The following LRRC4C variants were observed in gnomAD, a reference collection of about 807,000 sequenced individuals.
LRRC4C encodes the protein leucine rich repeat containing 4C.
LRRC4C carries 5 observed loss-of-function variants against 33.6 expected under a neutral mutation model. The observed-to-expected ratio is 0.15, with a 90% CI of 0.08 to 0.31. LRRC4C has a LOEUF of 0.31. Ranked by LOEUF, LRRC4C falls within the 10% of genes least tolerant of loss-of-function variation. The pLI, the probability that LRRC4C is intolerant of heterozygous loss-of-function variation, is 1.00. For synonymous variants in LRRC4C, 329 were observed against 302.0 expected (o/e 1.09, Z -0.93); for missense variants, 560 against 796.7 (o/e 0.70, Z 3.58).
rs543887623 is a variant in LRRC4C at position 40,734,013 on chromosome 11, A to G, written c.-406-85735T>C. On this transcript the variant is annotated intron_variant, in intron 2 of 6. Transcript: ENST00000528697. ...GATGCCCATGCTTTCCCTTATAATG[A>G]TATTCCTAAAAACATTATTAGAACA... 2.6e-5 allele frequency among the ~76,000 whole-genome samples: 4 copies of G among 152,316 alleles called. No individual in the cohort carries two copies. The South Asian group carries it at 8.3e-4, about 32-fold the overall frequency.
At chr11:41,078,758 TG>T (rs1939344796) in intron 1 of LRRC4C, among the ~76,000 whole-genome samples, 1 of 152,184 alleles carries the variant, frequency 6.6e-6, no homozygotes, top group South Asian at 2.1e-4. Flanking sequence ...TATCATCAGA[TG>T]AGGCCAAAAA....
At position 40,970,858 on chromosome 11, in the gene LRRC4C, G is replaced by A. The variant is rs570333782; in HGVS notation, c.-495-37135C>T. On this transcript the variant is annotated intron_variant, in intron 1 of 6. Transcript: ENST00000528697. ...CTTTAGCAAAGGGTTTAGCTGTTCT[G>A]TGCCCCTCTTCTAGAGATCTATGGA... 2.0e-5 allele frequency among the ~76,000 whole-genome samples: 3 copies of A among 152,298 alleles called. No homozygotes were observed. In the East Asian group the frequency reaches 5.8e-4, roughly 29 times the overall value.
intron 1 of LRRC4C, among the ~76,000 whole-genome samples, chr11:41,223,252 T>C (rs1305593672): frequency 1.3e-5 from 2 of 152,194 alleles, no homozygotes; most frequent in Non-Finnish European, 2.9e-5. Context: ...TGAGGTTTAT[T>C]TGATGGCTGA....
intron 1 of LRRC4C, among the ~76,000 whole-genome samples, chr11:41,284,628 C>T (rs1949767463): frequency 6.6e-6 from 1 of 152,170 alleles, no homozygotes; most frequent in Non-Finnish European, 1.5e-5. Flanking sequence ...GCAGCCCTCC[C>T]CACAGACAGC....
At chr11:41,292,198 T>C (rs1042628407) in intron 1 of LRRC4C, among the ~76,000 whole-genome samples, 2 of 152,176 alleles carry the variant, frequency 1.3e-5, no homozygotes, top group African/African-American at 4.8e-5. Context: ...TGACTCACTT[T>C]AGCTAATTAA....
At chr11:40,166,792 T>C (rs1859631398) in intron 5 of LRRC4C, among the ~76,000 whole-genome samples, 1 of 152,106 alleles carries the variant, frequency 6.6e-6, no homozygotes, top group African/African-American at 2.4e-5. Flanking sequence ...TGAAAAAGAC[T>C]AGAACAGAAA....
At chr11:41,263,536 G>C (rs1358815896) in intron 1 of LRRC4C, among the ~76,000 whole-genome samples, 8 of 152,140 alleles carry the variant, frequency 5.3e-5, no homozygotes, top group African/African-American at 1.7e-4. Context: ...TATTTGTTAA[G>C]ATAATTGTTT....
chr11:41,077,449 A>G (rs890735340), intron 1 of LRRC4C, among the ~76,000 whole-genome samples: 1 of 152,170 alleles, frequency 6.6e-6, no homozygotes, highest in African/African-American at 2.4e-5. Context: ...TGCAAGCCCA[A>G]CACCACATGG....
intron 1 of LRRC4C, among the ~76,000 whole-genome samples, chr11:41,212,898 T>G (rs989379121): frequency 4.6e-5 from 7 of 152,212 alleles, no homozygotes; most frequent in African/African-American, 1.7e-4. Flanking sequence ...CCTAACACAT[T>G]GAAACACATG....
intron 1 of LRRC4C, among the ~76,000 whole-genome samples, chr11:41,075,807 C>T (rs920107740): frequency 5.3e-5 from 8 of 152,180 alleles, no homozygotes; most frequent in Non-Finnish European, 8.8e-5. Context: ...ATTTCACCAA[C>T]TGCGCTGTTG....
intron 1 of LRRC4C, among the ~76,000 whole-genome samples, chr11:41,187,298 C>A (rs749674836): frequency 3.1e-4 from 47 of 152,296 alleles, no homozygotes; most frequent in Non-Finnish European, 6.0e-4. Flanking sequence ...CTGTAGCAGG[C>A]ATGCACACAA....
At chr11:41,192,155 C>A (rs1945977625) in intron 1 of LRRC4C, among the ~76,000 whole-genome samples, 2 of 152,038 alleles carry the variant, frequency 1.3e-5, no homozygotes, top group Admixed American at 1.3e-4. Flanking sequence ...CCTCATTTTC[C>A]TCAATGTGTT....
intron 1 of LRRC4C, among the ~76,000 whole-genome samples, chr11:41,162,653 A>G (rs1435193717): frequency 6.6e-6 from 1 of 152,202 alleles, no homozygotes; most frequent in East Asian, 1.9e-4. Context: ...GTACCTAAAA[A>G]TATGTAATCA....
chr11:40,915,612 A>T (rs1399341789), intron 2 of LRRC4C, among the ~76,000 whole-genome samples: 1 of 152,176 alleles, frequency 6.6e-6, no homozygotes, highest in African/African-American at 2.4e-5. Context: ...AACCTAGGCA[A>T]TACCATTCAG....
At chr11:40,454,659 T>C (rs1253848364) in intron 3 of LRRC4C, among the ~76,000 whole-genome samples, 1 of 152,190 alleles carries the variant, frequency 6.6e-6, no homozygotes, top group Non-Finnish European at 1.5e-5. Flanking sequence ...ACAGCTATGT[T>C]AAAATACCTA....
intron 5 of LRRC4C, among the ~76,000 whole-genome samples, chr11:40,154,649 A>T (rs185468017): frequency 1.3e-5 from 2 of 152,292 alleles, no homozygotes; most frequent in East Asian, 1.9e-4. Context: ...CCCACAGGAA[A>T]ATATCACAAT....
chr11:41,434,792 A>G (rs910227384), intron 1 of LRRC4C, among the ~76,000 whole-genome samples: 29 of 152,148 alleles, frequency 1.9e-4, no homozygotes, highest in African/African-American at 6.8e-4. Flanking sequence ...GGCAGCTTGA[A>G]GTCTGCAGAT....
Position 41,007,194 on chromosome 11 carries a change from T to C in LRRC4C, c.-495-73471A>G, listed in dbSNP as rs115749061. 2.4e-3 allele frequency among the ~76,000 whole-genome samples: 364 copies of C among 151,700 alleles called. 2 individuals carry two copies. Among genetic ancestry groups the C allele is most frequent in the African/African-American group, 8.4e-3 (348 of 41,392 alleles). The stretch of plus-strand genomic sequence containing the variant: ...TAGAAAATATTTATATTACGTTCCA[T>C]CGAGAGAGAATCAAAAATCTAGAAA... On this transcript the variant is annotated intron_variant, in intron 1 of 6. Transcript: ENST00000528697.
intron 3 of LRRC4C, among the ~76,000 whole-genome samples, chr11:40,579,122 G>T (rs1958350081): frequency 6.6e-6 from 1 of 152,106 alleles, no homozygotes; most frequent in Admixed American, 6.5e-5. Context: ...TAGATCACTG[G>T]AGTCCAGGAG....
Sources: allele counts gnomAD v4.1 joint callset (sites outside exome capture counted in the v4.1 genomes callset), GRCh38; gene constraint gnomAD v4.1.1; transcripts MANE v1.5; gene names NCBI Gene and HGNC (gene_info 2026-07-23, HGNC 2026-07-21).